CLASP1: variants seen among roughly 807,000 people sequenced by gnomAD.
CLASP1 encodes CLIP-associating protein 1.
A neutral mutation model predicts 192.3 loss-of-function variants in CLASP1; 38 were observed. The ratio of observed to expected loss-of-function variants is 0.20; its 90% CI spans 0.15 to 0.26. The LOEUF (loss-of-function observed/expected upper bound fraction) is 0.26. Among genes scored for constraint, CLASP1 ranks in the 10% least tolerant of loss-of-function variants. The pLI is 1.00. For missense variants in CLASP1, 1,433 were observed against 1,932.5 expected (o/e 0.74, Z 4.85); for synonymous variants, 691 against 712.8 (o/e 0.97, Z 0.49).
At chr2:121,625,400 G>A (rs2068107577) in intron 1 of CLASP1, among the ~76,000 whole-genome samples, 1 of 148,980 alleles carries the variant, frequency 6.7e-6, no homozygotes, top group African/African-American at 2.5e-5. Flanking sequence ...GAGCATATAT[G>A]CTAGCTTGAG....
chr2:121,469,743 G>A (rs1407948116), intron 9 of CLASP1, 65 bp downstream of exon 9: 3 of 1,506,610 alleles, frequency 2.0e-6, no homozygotes, highest in South Asian at 2.7e-5. Context: ...AGGCAAGTAC[G>A]TGCACCTCTG....
At chr2:121,495,404 T>C (rs1259852306) in intron 8 of CLASP1, among the ~76,000 whole-genome samples, 1 of 152,188 alleles carries the variant, frequency 6.6e-6, no homozygotes, top group Admixed American at 6.5e-5. Context: ...CTCACGCCTG[T>C]AATACCAGCG....
rs192635264 is a variant in CLASP1 at position 121,496,762 on chromosome 2, C to T, written c.712+6405G>A. On this transcript the variant is annotated intron_variant, in intron 8 of 39. Transcript: ENST00000263710. ...GCCAAATGTAAACCTGCAAACATGA[C>T]GCATACCAAGCAGTGGGGTAGAGGG... 2.0e-3 allele frequency among the ~76,000 whole-genome samples: 305 copies of T among 152,250 alleles called. 1 individual carries two copies. The highest frequency in any genetic ancestry group is 7.0e-3 in the African/African-American group (290 of 41,536).
chr2:121,555,016 C>T (rs1024035961), intron 2 of CLASP1, among the ~76,000 whole-genome samples: 4 of 152,242 alleles, frequency 2.6e-5, no homozygotes, highest in Admixed American at 6.5e-5. Flanking sequence ...CCAGAAATAT[C>T]GGCTGTTGTG....
At chr2:121,409,297 TC>T in intron 24 of CLASP1, among the ~76,000 whole-genome samples, 1 of 152,220 alleles carries the variant, frequency 6.6e-6, no homozygotes, top group Non-Finnish European at 1.5e-5. Flanking sequence ...CTAAAACTTT[TC>T]CCATATCGGT....
chr2:121,369,361 ATCT>A (rs1343413908), intron 34 of CLASP1, among the ~76,000 whole-genome samples: 1 of 152,202 alleles, frequency 6.6e-6, no homozygotes, highest in Admixed American at 6.5e-5. Flanking sequence ...TATAAATCAA[ATCT>A]TAACAGAGGT....
At chr2:121,574,702 GC>G (rs1356675493) in intron 2 of CLASP1, among the ~76,000 whole-genome samples, 2 of 151,152 alleles carry the variant, frequency 1.3e-5, no homozygotes, top group East Asian at 2.0e-4. Context: ...ACTTTGGGAG[GC>G]CGAGGCAGGC....
intron 2 of CLASP1, among the ~76,000 whole-genome samples, chr2:121,556,753 C>T (rs1161843668): frequency 6.6e-6 from 1 of 152,138 alleles, no homozygotes; most frequent in African/African-American, 2.4e-5. Flanking sequence ...TATTGCTCAC[C>T]TGGAAAAATA....
chr2:121,612,732 C>T (rs1388831118), intron 1 of CLASP1, among the ~76,000 whole-genome samples: 1 of 152,202 alleles, frequency 6.6e-6, no homozygotes, highest in Non-Finnish European at 1.5e-5. Flanking sequence ...TAAGTAAAAA[C>T]CAGGTCTATT....
At chr2:121,461,881 C>T (rs371449991) in intron 10 of CLASP1, among the ~76,000 whole-genome samples, 3 of 152,106 alleles carry the variant, frequency 2.0e-5, no homozygotes, top group African/African-American at 4.8e-5. Context: ...TTCGCCATGT[C>T]GCCTAGGCCA....
At position 121,530,016 on chromosome 2, in the gene CLASP1, C is replaced by A. The variant is rs140979914; in HGVS notation, c.274+231G>T. 5.2e-3 allele frequency among the ~76,000 whole-genome samples: 782 copies of A among 150,834 alleles called. 3 individuals are homozygous for A. Among genetic ancestry groups the A allele is most frequent in the Middle Eastern group, 0.024 (7 of 290 alleles). On this transcript the variant is annotated intron_variant, in intron 3 of 39. Transcript: ENST00000263710. ...TAAGGGCGCCCGCAGGCCCAGAGGC[C>A]AGGGGAGTCCAGCTGGAAGGGAAGG...
chr2:121,415,197 T>C lies in CLASP1; in HGVS notation c.2320+3425A>G, dbSNP rs558450499. On this transcript the variant is annotated intron_variant, in intron 23 of 39. Coordinates refer to ENST00000263710, the Ensembl canonical transcript of CLASP1. ...TATGAGTACCAGCTCAGTAATGCAA[T>C]TGTAAATGCTCGTTGGATCACAACT... 6.6e-5 allele frequency among the ~76,000 whole-genome samples: 10 copies of C among 152,322 alleles called. No individual in the cohort carries two copies. The South Asian group carries it at 2.1e-3, about 32-fold the overall frequency.
chr2:121,521,958 T>C (rs1453186754), intron 6 of CLASP1, among the ~76,000 whole-genome samples: 3 of 152,086 alleles, frequency 2.0e-5, no homozygotes, highest in Non-Finnish European at 4.4e-5. Context: ...GTTCAGAGAC[T>C]AGTAGGAAAG....
chr2:121,570,496 C>A (rs1197234537), intron 2 of CLASP1, among the ~76,000 whole-genome samples: 1 of 152,256 alleles, frequency 6.6e-6, no homozygotes, highest in East Asian at 1.9e-4. Flanking sequence ...TTTCTAACAG[C>A]TGCAGGCAGA....
At chr2:121,532,412 G>A (rs781120006) in intron 2 of CLASP1, 15 of 152,126 alleles carry the variant, frequency 9.9e-5, no homozygotes, top group Admixed American at 4.6e-4. Context: ...ACTATCCTGC[G>A]GAGAAAACTG....
intron 2 of CLASP1, among the ~76,000 whole-genome samples, chr2:121,593,760 C>T (rs1261094875): frequency 6.6e-6 from 1 of 151,948 alleles, no homozygotes; most frequent in Non-Finnish European, 1.5e-5. Context: ...CCTGTAATCC[C>T]ACCACTTTGG....
Position 121,531,017 on chromosome 2 carries a change from T to C in CLASP1, c.196-692A>G, listed in dbSNP as rs73950986. On this transcript the variant is annotated intron_variant, in intron 2 of 39. Transcript: ENST00000263710. ...TGCAATTTTTGGAAAAATGAAAACC[T>C]GTTTTCATAGACTTATCAGTTCAAA... 696 of 700,124 alleles carry C rather than the reference T, an allele frequency of 9.9e-4. 4 individuals are homozygous for C. In the African/African-American group the frequency reaches 0.011, roughly 11 times the overall value. 43.4% of individuals were successfully genotyped at this position (700,124 alleles called of 1,614,324 possible). A position where few individuals can be genotyped will look rare whatever the true frequency, so the allele number is the denominator to read the frequency against.
intron 2 of CLASP1, among the ~76,000 whole-genome samples, chr2:121,570,693 T>C (rs149041881): frequency 2.0e-5 from 3 of 152,376 alleles, no homozygotes; most frequent in African/African-American, 7.2e-5. Context: ...ACTGGGACCC[T>C]GTATGATATA....
intron 2 of CLASP1, chr2:121,530,699 G>A: frequency 1.9e-6 from 1 of 519,604 alleles, no homozygotes; most frequent in South Asian, 2.9e-5. Flanking sequence ...GTAAAACCGA[G>A]CCGCCGCTTT....
Sources: allele counts gnomAD v4.1 joint callset (sites outside exome capture counted in the v4.1 genomes callset), GRCh38; gene constraint gnomAD v4.1.1; transcripts MANE v1.5; gene names NCBI Gene and HGNC (gene_info 2026-07-23, HGNC 2026-07-21).